The following CUL2 variants were observed in gnomAD, a reference collection of about 807,000 sequenced individuals.
CUL2 encodes the protein cullin-2.
Under a neutral mutation model 110.2 loss-of-function variants are expected in CUL2, and 22 were observed. That is an observed-to-expected ratio of 0.20 (90% CI 0.14 to 0.28). The LOEUF is 0.28. CUL2 is among the 10% of genes least tolerant of loss of function. CUL2 has a pLI of 1.00. For synonymous variants in CUL2, 279 were observed against 293.2 expected, an observed-to-expected ratio of 0.95 and a Z score of 0.49; for missense variants, 631 against 905.5, an observed-to-expected ratio of 0.70 and a Z score of 3.89.
At chr10:35,019,263 C>A (rs1242765374) in intron 17 of CUL2, among the ~76,000 whole-genome samples, 1 of 152,134 alleles carries the variant, frequency 6.6e-6, no homozygotes, top group Non-Finnish European at 1.5e-5. Context: ...CAGAATGAGT[C>A]TTCTGCCGTC....
chr10:35,126,426 G>A (rs2087827503), intron 1 of CUL2: 1 of 152,652 alleles, frequency 6.6e-6, no homozygotes, highest in South Asian at 2.1e-4. Context: ...GCTTTTAGAA[G>A]TCAGAAGAAG....
chr10:35,125,037 T>C (rs1379776269), intron 1 of CUL2, among the ~76,000 whole-genome samples: 1 of 152,244 alleles, frequency 6.6e-6, no homozygotes, highest in Non-Finnish European at 1.5e-5. Flanking sequence ...TTATGGCAGA[T>C]ATTTTTTAAA....
intron 8 of CUL2, among the ~76,000 whole-genome samples, chr10:35,040,492 T>G (rs544122539): frequency 6.6e-6 from 1 of 152,320 alleles, no homozygotes; most frequent in South Asian, 2.1e-4. Context: ...TGAGTTGGCC[T>G]GGGCACAAGG....
Position 35,044,650 on chromosome 10 carries a change from G to A in CUL2, c.630C>T (p.Pro210=), listed in dbSNP as rs750347709. Residue 210 remains proline, a synonymous_variant, in exon 8 of 21, where the codon CCC becomes CCT. Coordinates refer to ENST00000374749, the MANE Select transcript of CUL2 (RefSeq NM_003591.4). ...AATACTCTCCTGTTTCAGTCAGAAAGGGAGACTCAAAAATTTCCTGATAAA... is the reference window on the plus strand; with the variant it reads ...AATACTCTCCTGTTTCAGTCAGAAAAGGAGACTCAAAAATTTCCTGATAAA... ...LKFYQEIFES[P]FLTETGEYYK... is the part of the protein sequence containing the mutation. The A allele has an allele frequency of 6.2e-7, 1 of 1,609,388 alleles. No homozygotes were observed. The highest frequency in any genetic ancestry group is 8.5e-7 in the Non-Finnish European group (1 of 1,178,804).
intron 1 of CUL2, chr10:35,118,647 C>G (rs948264114): frequency 6.8e-6 from 1 of 146,758 alleles, no homozygotes. Context: ...TTTAGCAGTT[C>G]TCATGGTCCT....
chr10:35,109,017 A>G (rs1241699111), intron 1 of CUL2, among the ~76,000 whole-genome samples: 2 of 152,202 alleles, frequency 1.3e-5, no homozygotes, highest in African/African-American at 4.8e-5. Context: ...GTTGGAGAGC[A>G]GCCTGGGCAG....
intron 2 of CUL2, 90 bp from the exon 3 acceptor site, chr10:35,063,152 A>C (rs2086426126): frequency 1.3e-6 from 1 of 756,718 alleles, no homozygotes; most frequent in Admixed American, 2.6e-5. Context: ...AAATGAAAAA[A>C]CATTTCTTTT....
chr10:35,013,932 T>G (rs1564692975), intron 18 of CUL2, 132 bp from the exon 19 acceptor site: 1 of 568,044 alleles, frequency 1.8e-6, no homozygotes, highest in Non-Finnish European at 2.7e-6. Context: ...TATTATAGAT[T>G]ACCAAATTTA....
At chr10:35,023,682 C>G (rs2085258951) in intron 17 of CUL2, among the ~76,000 whole-genome samples, 1 of 151,846 alleles carries the variant, frequency 6.6e-6, no homozygotes, top group Non-Finnish European at 1.5e-5. Context: ...AATGTTTAAA[C>G]TCCCCCAGAC....
At chr10:35,094,915 T>A (rs1403010515), upstream of CUL2, among the ~76,000 whole-genome samples, 2 of 152,226 alleles carry the variant, frequency 1.3e-5, no homozygotes, top group South Asian at 2.1e-4. Context: ...TCCTAGTTCA[T>A]CTATGATTGC....
At chr10:35,038,608 GTATTTCCTTTT>G (rs2085694450) in intron 9 of CUL2, among the ~76,000 whole-genome samples, 1 of 134,280 alleles carries the variant, frequency 7.4e-6, no homozygotes. Flanking sequence ...CATAATATTT[GTATTTCCTTTT>G]TATAGTCTTT....
chr10:35,069,411 C>T (rs907642789), intron 2 of CUL2, among the ~76,000 whole-genome samples: 1 of 152,020 alleles, frequency 6.6e-6, no homozygotes, highest in Non-Finnish European at 1.5e-5. Context: ...TGTGGTAGCA[C>T]ATGCCTGTAG....
chr10:35,107,982 T>C (rs1405243103), intron 1 of CUL2, among the ~76,000 whole-genome samples: 1 of 151,968 alleles, frequency 6.6e-6, no homozygotes, highest in Non-Finnish European at 1.5e-5. Flanking sequence ...TCTGGGATTA[T>C]TGCTAATGTG....
chr10:35,071,093 G>C (rs1157464902), intron 2 of CUL2, 106 bp downstream of exon 2: 1 of 1,107,648 alleles, frequency 9.0e-7, no homozygotes, highest in Non-Finnish European at 1.3e-6. Context: ...TAATATATTA[G>C]AAAATAGTTA....
At chr10:35,039,721 C>T (rs573850314) in intron 8 of CUL2, among the ~76,000 whole-genome samples, 24 of 151,880 alleles carry the variant, frequency 1.6e-4, no homozygotes, top group Non-Finnish European at 2.6e-4. Flanking sequence ...AAAAATTAGC[C>T]GGGCATGCCT....
intron 10 of CUL2, among the ~76,000 whole-genome samples, chr10:35,034,660 A>G (rs2085574344): frequency 6.6e-6 from 1 of 152,216 alleles, no homozygotes; most frequent in Admixed American, 6.5e-5. Context: ...TGTGATTGGC[A>G]AAGTATTCGA....
At chr10:35,072,657 T>C (rs2086711741) in intron 1 of CUL2, among the ~76,000 whole-genome samples, 3 of 152,184 alleles carry the variant, frequency 2.0e-5, no homozygotes, top group South Asian at 2.1e-4. Context: ...CGTGAGCCAC[T>C]GCACCTGGCC....
At chr10:35,114,174 G>A (rs1333319520) in intron 1 of CUL2, among the ~76,000 whole-genome samples, 1 of 151,192 alleles carries the variant, frequency 6.6e-6, no homozygotes, top group Non-Finnish European at 1.5e-5. Flanking sequence ...CGCCTGCCTC[G>A]GCCTCCCAAA....
chr10:35,042,496 C>T (rs1423575840), intron 8 of CUL2, among the ~76,000 whole-genome samples: 1 of 152,134 alleles, frequency 6.6e-6, no homozygotes. Flanking sequence ...ACTCTCCTTT[C>T]ACCTGCCTCA....
Sources: gnomAD v4.1 joint callset for allele counts (sites outside exome capture counted in the v4.1 genomes callset) on GRCh38, gnomAD v4.1.1 for gene constraint, MANE v1.5 for transcripts, NCBI Gene and HGNC (gene_info 2026-07-23, HGNC 2026-07-21) for gene names.